Variants in TUT7 observed in about 807,000 individuals in gnomAD.
TUT7 encodes terminal uridylyl transferase 7.
In TUT7, 33 loss-of-function variants were observed where a neutral mutation model predicts 165.9. The ratio of observed to expected loss-of-function variants is 0.20; its 90% CI spans 0.15 to 0.27. The LOEUF (loss-of-function observed/expected upper bound fraction) is 0.27, where lower values mean the gene tolerates loss of function less well. TUT7 is among the 10% of genes least tolerant of loss of function. TUT7 has a pLI of 1.00. For synonymous variants in TUT7, 552 were observed against 608.1 expected (o/e 0.91, Z 1.36); for missense variants, 1,338 against 1,762.3 (o/e 0.76, Z 4.31).
intron 17 of TUT7, among the ~76,000 whole-genome samples, chr9:86,316,704 TCATA>T (rs1400270187): frequency 1.3e-5 from 2 of 152,228 alleles, no homozygotes; most frequent in African/African-American, 2.4e-5. Flanking sequence ...CCTCAGTCTT[TCATA>T]CTTACGCATA....
chr9:86,341,783 A>G (rs1831349549), intron 6 of TUT7, among the ~76,000 whole-genome samples: 1 of 152,006 alleles, frequency 6.6e-6, no homozygotes, highest in South Asian at 2.1e-4. Flanking sequence ...ACTCAGCTTA[A>G]ATGTTCCCTC....
rs750324936 is a variant in TUT7, at chr9:86,343,047, A to C, written c.1086+28T>G. 1.4e-5 allele frequency: 20 copies of C among 1,419,204 alleles called. No individual in the cohort carries two copies. The Middle Eastern group carries it at 9.4e-4, about 66-fold the overall frequency. The allele number at this position is 1,419,204 out of a possible 1,614,324, so 87.9% of individuals were successfully genotyped here. On this transcript the variant is annotated intron_variant, in intron 6 of 26. Coordinates refer to ENST00000375963, the MANE Select transcript of TUT7 (RefSeq NM_024617.4). ...AGAAAGAATTTCCATACCACTCTGA[A>C]AGTGCCAGCATTTCATTTTGTACTT...
In TUT7 at chr9:86,341,009, C is replaced by A; in HGVS notation, c.1131G>T (p.Lys377Asn). ...TGTGGAATTTGGCCTTACCACTGTT[C>A]TTTAAACATTCTTGAACAAGTAAGA... ...DVLLLVQECL[K>N]NSDSFIDVDA... The change falls in exon 7 of 27, where the codon AAG becomes AAT. Residue 377 changes from lysine (K) to asparagine (N), a missense_variant. Lys to Asn is a moderately conservative substitution (Grantham distance 94). Coordinates refer to ENST00000375963, the MANE Select transcript of TUT7 (RefSeq NM_024617.4). 1 of 1,611,396 alleles carries A rather than the reference C, an allele frequency of 6.2e-7. No individual in the cohort carries two copies. Among genetic ancestry groups the A allele is most frequent in the South Asian group, 1.1e-5 (1 of 90,926 alleles).
chr9:86,340,253 AGG>A, intron 7 of TUT7, 148 bp from the exon 8 acceptor site: 1 of 618,168 alleles, frequency 1.6e-6, no homozygotes, highest in African/African-American at 1.8e-5. Flanking sequence ...TGACTTGAAA[AGG>A]AAAAAATATT....
At chr9:86,345,855 C>A in intron 3 of TUT7, 70 bp from the exon 4 acceptor site, 1 of 1,116,790 alleles carries the variant, frequency 9.0e-7, no homozygotes, top group South Asian at 1.3e-5. Flanking sequence ...ACAAAATCAG[C>A]CAGGAAATGA....
intron 11 of TUT7, chr9:86,326,507 G>T (rs970157955): frequency 6.5e-6 from 1 of 154,808 alleles, no homozygotes; most frequent in Non-Finnish European, 1.5e-5. Flanking sequence ...ACACAGGATA[G>T]TGATGAGGAT....
intron 17 of TUT7, among the ~76,000 whole-genome samples, chr9:86,315,798 C>T (rs1242251437): frequency 2.0e-5 from 3 of 151,122 alleles, no homozygotes; most frequent in Non-Finnish European, 2.9e-5. Flanking sequence ...AATCAATGTA[C>T]ATTTAAAAAA....
intron 17 of TUT7, among the ~76,000 whole-genome samples, chr9:86,316,125 G>A (rs1447873833): frequency 6.6e-6 from 1 of 152,218 alleles, no homozygotes; most frequent in Admixed American, 6.5e-5. Context: ...TCTTAGCACA[G>A]AAGTTTGCTG....
At chr9:86,352,503 C>T (rs1437509101) in intron 2 of TUT7, 177 bp downstream of exon 2, 4 of 742,996 alleles carry the variant, frequency 5.4e-6, no homozygotes, top group East Asian at 2.6e-5. Flanking sequence ...TGTGTTTTAG[C>T]TGCTCAAATA....
At chr9:86,346,679 T>C (rs963411655) in intron 2 of TUT7, among the ~76,000 whole-genome samples, 199 bp from the exon 3 acceptor site, 4 of 152,210 alleles carry the variant, frequency 2.6e-5, no homozygotes, top group South Asian at 2.1e-4. Context: ...CATTAAGCCA[T>C]AGAAATCATC....
chr9:86,329,660 G>A (rs1409370723), intron 10 of TUT7, among the ~76,000 whole-genome samples: 1 of 152,130 alleles, frequency 6.6e-6, no homozygotes, highest in East Asian at 1.9e-4. Flanking sequence ...GTTTAGAAGA[G>A]AGTGATCCTT....
chr9:86,333,491 T>C (rs1228583060), intron 10 of TUT7, among the ~76,000 whole-genome samples: 1 of 152,232 alleles, frequency 6.6e-6, no homozygotes, highest in African/African-American at 2.4e-5. Flanking sequence ...TTCCTGGCTA[T>C]GTCTAGTCTA....
chr9:86,291,207 A>G (rs1191733921), intron 26 of TUT7, among the ~76,000 whole-genome samples: 1 of 152,206 alleles, frequency 6.6e-6, no homozygotes, highest in African/African-American at 2.4e-5. Context: ...AAGAACCTTT[A>G]AAAATTAATA....
intron 2 of TUT7, chr9:86,352,445 A>G: frequency 1.7e-6 from 1 of 595,134 alleles, no homozygotes; most frequent in Non-Finnish European, 2.9e-6. Context: ...ACTGACGTAA[A>G]GTGAGCCCTG....
At chr9:86,290,766 C>A (rs1212221285) in intron 26 of TUT7, among the ~76,000 whole-genome samples, 1 of 151,316 alleles carries the variant, frequency 6.6e-6, no homozygotes, top group Non-Finnish European at 1.5e-5. Context: ...AAGGCTGAGG[C>A]AGGAGAATTG....
chr9:86,320,305 G>A lies in TUT7; in HGVS notation c.3029-635C>T, dbSNP rs1263635977. 2.7e-5 allele frequency among the ~76,000 whole-genome samples: 4 copies of A among 147,910 alleles called. No homozygotes were observed. In the South Asian group the frequency reaches 8.5e-4, roughly 32 times the overall value. ...GTTAAGAACACGTGTCTTCTGACAC[G>A]GATGAACACCTTATGATGAAGCCAT... is the stretch of plus-strand genomic sequence containing the variant. On this transcript the variant is annotated intron_variant, in intron 14 of 26. Coordinates refer to ENST00000375963, the MANE Select transcript of TUT7 (RefSeq NM_024617.4).
At chr9:86,299,233 G>A (rs890376905) in intron 26 of TUT7, among the ~76,000 whole-genome samples, 10 of 152,168 alleles carry the variant, frequency 6.6e-5, no homozygotes, top group African/African-American at 2.4e-4. Context: ...CAATGGGACA[G>A]GTGAGGGCGA....
At chr9:86,345,506 TAAA>T (rs1328105051) in intron 4 of TUT7, among the ~76,000 whole-genome samples, 160 bp downstream of exon 4, 1 of 152,222 alleles carries the variant, frequency 6.6e-6, no homozygotes, top group Non-Finnish European at 1.5e-5. Context: ...GATTAACCAG[TAAA>T]ATACATCTGA....
intron 16 of TUT7, among the ~76,000 whole-genome samples, chr9:86,318,129 T>C (rs955260832): frequency 1.3e-5 from 2 of 152,190 alleles, no homozygotes; most frequent in African/African-American, 4.8e-5. Context: ...ATCATTCATT[T>C]GGATATTTAG....
Sources: allele counts gnomAD v4.1 joint callset (sites outside exome capture counted in the v4.1 genomes callset), GRCh38; gene constraint gnomAD v4.1.1; transcripts MANE v1.5; gene names NCBI Gene and HGNC (gene_info 2026-07-23, HGNC 2026-07-21).